Variants in METTL15 observed in about 807,000 individuals in gnomAD.
The protein encoded by METTL15 is methyltransferase 15, mitochondrial 12S rRNA N4-cytidine, also known as 12S rRNA N(4)-cytidine methyltransferase METTL15.
METTL15 carries 34 observed loss-of-function variants against 38.3 expected under a neutral mutation model. The ratio of observed to expected loss-of-function variants is 0.89; its 90% CI spans 0.68 to 1.18. The LOEUF (loss-of-function observed/expected upper bound fraction) is 1.18. METTL15 is among the 50% of genes most tolerant of loss of function. The pLI, the probability that METTL15 is intolerant of heterozygous loss-of-function variation, is 0.00. For synonymous variants in METTL15, 162 were observed against 170.9 expected, an observed-to-expected ratio of 0.95 and a Z score of 0.41; for missense variants, 438 against 498.4, an observed-to-expected ratio of 0.88 and a Z score of 1.15.
intron 4 of METTL15, among the ~76,000 whole-genome samples, chr11:28,286,588 T>C (rs926312372): frequency 2.0e-5 from 3 of 152,060 alleles, no homozygotes; most frequent in African/African-American, 7.2e-5. Context: ...ACAAAAGTTA[T>C]AGAAATAGTG....
intron 3 of METTL15, among the ~76,000 whole-genome samples, chr11:28,156,741 T>C (rs1181084031): frequency 1.3e-5 from 2 of 152,180 alleles, no homozygotes; most frequent in Admixed American, 6.5e-5. Context: ...TTGTTTCATT[T>C]CTGTGTTATA....
intron 5 of METTL15, among the ~76,000 whole-genome samples, chr11:28,419,956 C>G (rs1850805738): frequency 6.6e-6 from 1 of 151,646 alleles, no homozygotes; most frequent in Non-Finnish European, 1.5e-5. Flanking sequence ...ACAGGCTATT[C>G]AAAAATACAC....
At chr11:28,277,411 A>C (rs1855884624) in intron 4 of METTL15, among the ~76,000 whole-genome samples, 1 of 152,182 alleles carries the variant, frequency 6.6e-6, no homozygotes, top group South Asian at 2.1e-4. Flanking sequence ...AGAAAGAATG[A>C]AATTGGCCAG....
At chr11:28,264,340 T>G (rs927811366) in intron 4 of METTL15, among the ~76,000 whole-genome samples, 1 of 152,120 alleles carries the variant, frequency 6.6e-6, no homozygotes, top group African/African-American at 2.4e-5. Flanking sequence ...CCCTATTGAT[T>G]ATGAGAAATT....
At chr11:28,491,266 T>C (rs761014403) in intron 6 of METTL15, among the ~76,000 whole-genome samples, 60 of 152,170 alleles carry the variant, frequency 3.9e-4, no homozygotes, top group Admixed American at 1.3e-4. Context: ...AGTCCATTTA[T>C]TCATATTGCT....
rs1015566513 is a variant in METTL15 at position 28,194,491 on chromosome 11, T to C, written c.271-16571T>C. ...CTGGGATTACAAGCATGAGCCACCA[T>C]GTCTGGCTATTTACTTTCATTCTGC... On this transcript the variant is annotated intron_variant, in intron 3 of 6. Coordinates refer to ENST00000407364, the MANE Select transcript of METTL15 (RefSeq NM_001113528.2). Among the ~76,000 whole-genome samples, 31 of 151,950 alleles carry C rather than the reference T, an allele frequency of 2.0e-4. 1 individual carries two copies. Among genetic ancestry groups the C allele is most frequent in the African/African-American group, 7.2e-4 (30 of 41,380 alleles).
chr11:28,200,827 A>G (rs1852083786), intron 3 of METTL15, among the ~76,000 whole-genome samples: 1 of 152,092 alleles, frequency 6.6e-6, no homozygotes, highest in African/African-American at 2.4e-5. Flanking sequence ...GGGGTTTTCT[A>G]AATATAAAGT....
chr11:28,249,181 A>AT (rs1174669688), intron 4 of METTL15, among the ~76,000 whole-genome samples: 2 of 151,814 alleles, frequency 1.3e-5, no homozygotes, highest in Admixed American at 6.6e-5. Flanking sequence ...ACCTTAGGTA[A>AT]TTTTTTTTAA....
At chr11:28,436,041 A>C (rs575652902) in intron 6 of METTL15, among the ~76,000 whole-genome samples, 1 of 151,790 alleles carries the variant, frequency 6.6e-6, no homozygotes, top group South Asian at 2.1e-4. Flanking sequence ...AGTGTATCAA[A>C]TACAGTCAAT....
chr11:28,325,419 C>A (rs1385680002), intron 6 of METTL15, among the ~76,000 whole-genome samples: 1 of 152,166 alleles, frequency 6.6e-6, no homozygotes, highest in Non-Finnish European at 1.5e-5. Flanking sequence ...GCAATAGACA[C>A]ACACAGGCTT....
At chr11:28,220,417 G>C (rs1386686523) in intron 4 of METTL15, among the ~76,000 whole-genome samples, 1 of 152,094 alleles carries the variant, frequency 6.6e-6, no homozygotes, top group Non-Finnish European at 1.5e-5. Context: ...TTGCTTGGTA[G>C]ATCTTCCTCC....
At chr11:28,474,274 G>T (rs989557467) in intron 6 of METTL15, among the ~76,000 whole-genome samples, 4 of 151,296 alleles carry the variant, frequency 2.6e-5, no homozygotes, top group African/African-American at 9.7e-5. Context: ...TTTTTCTCAT[G>T]CTGGCCTCCC....
rs909145460 is a variant in METTL15, at chr11:28,113,342, G to A, written c.8G>A (p.Arg3Gln). 6 of 1,525,230 alleles carry A rather than the reference G, an allele frequency of 3.9e-6. No individual in the cohort carries two copies. Among genetic ancestry groups the A allele is most frequent in the African/African-American group, 1.4e-5 (1 of 71,228 alleles). 94.5% of individuals were successfully genotyped at this position (1,525,230 alleles called of 1,614,324 possible). The change falls in exon 3 of 7, where the codon CGG (arginine) becomes CAG (glutamine). Residue 3 changes from arginine to glutamine, a missense_variant. Transcript: ENST00000407364. ML[R>Q]YPYFCRMYKE... ...GATTTGTTTACCTACAAAATGCTTC[G>A]GTATCCATATTTTTGTAGAATGTAT... is the stretch of plus-strand genomic sequence containing the variant.
intron 6 of METTL15, among the ~76,000 whole-genome samples, chr11:28,441,149 ATT>A (rs889417212): frequency 6.9e-6 from 1 of 145,162 alleles, no homozygotes; most frequent in African/African-American, 2.5e-5. Flanking sequence ...GAAATGTCTC[ATT>A]TTTTTTTTCT....
chr11:28,356,032 T>G (rs1027982164), intron 4 of METTL15, among the ~76,000 whole-genome samples: 1 of 152,178 alleles, frequency 6.6e-6, no homozygotes, highest in African/African-American at 2.4e-5. Context: ...CATGTAATTT[T>G]TTGTTCCTAA....
downstream of METTL15, among the ~76,000 whole-genome samples, chr11:28,531,818 A>G (rs1437022353): frequency 6.6e-6 from 1 of 152,028 alleles, no homozygotes; most frequent in African/African-American, 2.4e-5. Flanking sequence ...ACAAACAGCA[A>G]TAGATAGACA....
intron 3 of METTL15, among the ~76,000 whole-genome samples, chr11:28,143,580 A>T (rs1056262793): frequency 6.6e-6 from 1 of 152,106 alleles, no homozygotes; most frequent in African/African-American, 2.4e-5. Flanking sequence ...AACGGTTCCT[A>T]TTTTGACAAC....
At chr11:28,298,491 C>T (rs1856813457) in intron 6 of METTL15, among the ~76,000 whole-genome samples, 1 of 151,998 alleles carries the variant, frequency 6.6e-6, no homozygotes, top group African/African-American at 2.4e-5. Context: ...TTCAGAAGCT[C>T]ATGAATTTAA....
chr11:28,271,761 A>G (rs1208767213), intron 4 of METTL15, among the ~76,000 whole-genome samples: 2 of 152,186 alleles, frequency 1.3e-5, no homozygotes, highest in Non-Finnish European at 2.9e-5. Context: ...AGCGAAAGAA[A>G]CTATCATCAG....
Sources: gnomAD v4.1 joint callset for allele counts (sites outside exome capture counted in the v4.1 genomes callset) on GRCh38, gnomAD v4.1.1 for gene constraint, MANE v1.5 for transcripts, NCBI Gene and HGNC (gene_info 2026-07-23, HGNC 2026-07-21) for gene names.